Variants in NKAIN3 observed in about 807,000 individuals in gnomAD.
NKAIN3 encodes the protein sodium/potassium-transporting ATPase subunit beta-1-interacting protein 3.
A neutral mutation model predicts 30.2 loss-of-function variants in NKAIN3; 25 were observed. That is an observed-to-expected ratio of 0.83 (90% confidence interval 0.60 to 1.16). The LOEUF is 1.16. NKAIN3 is among the 50% of genes most tolerant of loss of function. The pLI, the probability that NKAIN3 is intolerant of heterozygous loss-of-function variation, is 0.00. For missense variants in NKAIN3, 225 were observed against 254.1 expected (o/e 0.89, Z 0.78); for synonymous variants, 91 against 89.6 (o/e 1.02, Z -0.09).
intron 2 of NKAIN3, among the ~76,000 whole-genome samples, chr8:62,583,291 C>A (rs995037933): frequency 2.6e-5 from 4 of 152,044 alleles, no homozygotes; most frequent in Non-Finnish European, 5.9e-5. Context: ...CCCTCCTATG[C>A]GTAGAGGAAG....
chr8:62,931,679 G>A (rs898530772), intron 5 of NKAIN3, among the ~76,000 whole-genome samples: 34 of 152,028 alleles, frequency 2.2e-4, no homozygotes, highest in Non-Finnish European at 7.4e-5. Context: ...ATAGTTGTTG[G>A]AACAAAAGAA....
At chr8:62,394,480 T>G (rs1307241567) in intron 1 of NKAIN3, among the ~76,000 whole-genome samples, 1 of 12,196 alleles carries the variant, frequency 8.2e-5, no homozygotes, top group African/African-American at 2.2e-4. Flanking sequence ...GTAATTGCTA[T>G]TTTTTTTTTT....
chr8:62,723,852 C>T (rs1176207447), intron 3 of NKAIN3, among the ~76,000 whole-genome samples: 1 of 152,062 alleles, frequency 6.6e-6, no homozygotes, highest in Non-Finnish European at 1.5e-5. Flanking sequence ...AATGAATGAC[C>T]AACTAAGAAA....
intron 1 of NKAIN3, among the ~76,000 whole-genome samples, 187 bp downstream of exon 1, chr8:62,249,314 G>A (rs1215036994): frequency 6.6e-6 from 1 of 152,214 alleles, no homozygotes; most frequent in African/African-American, 2.4e-5. Flanking sequence ...CACTCGCCAG[G>A]TCGCCCCTGC....
intron 4 of NKAIN3, among the ~76,000 whole-genome samples, chr8:62,788,197 CTGT>C (rs1163564426): frequency 6.6e-6 from 1 of 152,150 alleles, no homozygotes; most frequent in African/African-American, 2.4e-5. Flanking sequence ...TCTCCAGCAC[CTGT>C]TGTTTCCTGA....
chr8:62,747,196 C>G (rs1433476150), intron 4 of NKAIN3, 67 bp downstream of exon 4: 11 of 981,042 alleles, frequency 1.1e-5, no homozygotes, highest in Non-Finnish European at 1.5e-5. Context: ...TTCTCCACAT[C>G]TACCTGATAG....
chr8:62,987,313 A>T (rs758082703), downstream of NKAIN3, among the ~76,000 whole-genome samples: 4 of 152,076 alleles, frequency 2.6e-5, no homozygotes, highest in East Asian at 7.7e-4. Context: ...GAATCACTTG[A>T]TTCTTGGAGA....
intron 4 of NKAIN3, among the ~76,000 whole-genome samples, chr8:62,782,991 C>T (rs1308946101): frequency 2.6e-5 from 4 of 151,658 alleles, no homozygotes; most frequent in South Asian, 2.1e-4. Context: ...GTGATAGATA[C>T]CCCAAATGCT....
rs547058583 is a variant in NKAIN3 at position 62,819,384 on chromosome 8, A to G, written c.471+72255A>G. 5.3e-5 allele frequency among the ~76,000 whole-genome samples: 8 copies of G among 152,048 alleles called. No individual in the cohort carries two copies. In the South Asian group the frequency reaches 1.7e-3, roughly 32 times the overall value. On this transcript the variant is annotated intron_variant, in intron 4 of 6. Coordinates refer to ENST00000623646, the MANE Select transcript of NKAIN3 (RefSeq NM_001304533.3). ...GTGTATGGGTGAATGGAAATTCATTAACACTGTTCTCCCTGTGCTAATTCT... is the reference window on the plus strand; with the variant it reads ...GTGTATGGGTGAATGGAAATTCATTGACACTGTTCTCCCTGTGCTAATTCT...
intron 4 of NKAIN3, among the ~76,000 whole-genome samples, chr8:62,808,582 G>A (rs1380030023): frequency 2.0e-5 from 3 of 152,010 alleles, no homozygotes; most frequent in African/African-American, 7.2e-5. Context: ...TGAGTGTCTG[G>A]GGGAGACATC....
chr8:62,618,473 A>G lies in NKAIN3; in HGVS notation c.273+28679A>G, dbSNP rs1281012701. ...CTGTCTCATCCTGCTGTGTCTCAAAACTGCTGTAGTCCCTCATGATTGCTT... is the reference window on the plus strand; with the variant it reads ...CTGTCTCATCCTGCTGTGTCTCAAAGCTGCTGTAGTCCCTCATGATTGCTT... On this transcript the variant is annotated intron_variant, in intron 3 of 6. Coordinates refer to ENST00000623646, the MANE Select transcript of NKAIN3 (RefSeq NM_001304533.3). Among the ~76,000 whole-genome samples, 4 of 151,910 alleles carry G rather than the reference A, an allele frequency of 2.6e-5. No homozygotes were observed. In the East Asian group the frequency reaches 7.7e-4, roughly 29 times the overall value.
chr8:62,934,324 G>A (rs188094629), intron 5 of NKAIN3, among the ~76,000 whole-genome samples: 2 of 152,030 alleles, frequency 1.3e-5, no homozygotes, highest in Admixed American at 1.3e-4. Flanking sequence ...GCTGCAGTGA[G>A]CTGTGATGAT....
At chr8:62,273,487 T>A (rs181125230) in intron 1 of NKAIN3, among the ~76,000 whole-genome samples, 162 of 152,268 alleles carry the variant, frequency 1.1e-3, no homozygotes, top group Non-Finnish European at 2.1e-3. Flanking sequence ...TTGATAAACA[T>A]GTTTTGGTTA....
At chr8:62,270,380 C>T (rs1812743446) in intron 1 of NKAIN3, among the ~76,000 whole-genome samples, 1 of 151,976 alleles carries the variant, frequency 6.6e-6, no homozygotes, top group African/African-American at 2.4e-5. Context: ...CTGGGCCCAG[C>T]CCATATTATA....
chr8:62,305,280 T>C lies in NKAIN3; in HGVS notation c.54+56153T>C, dbSNP rs1300582357. 2.0e-5 allele frequency among the ~76,000 whole-genome samples: 3 copies of C among 150,436 alleles called. 1 individual carries two copies. Among genetic ancestry groups the C allele is most frequent in the African/African-American group, 7.5e-5 (3 of 39,852 alleles). ...CACAGATATTTCTATGAAATACGACTTTAAAGCTCCAATGGTTACAGATCA... is the reference window on the plus strand; with the variant it reads ...CACAGATATTTCTATGAAATACGACCTTAAAGCTCCAATGGTTACAGATCA... On this transcript the variant is annotated intron_variant, in intron 1 of 6. Transcript: ENST00000623646.
intron 1 of NKAIN3, among the ~76,000 whole-genome samples, chr8:62,275,524 T>C (rs377606554): frequency 6.6e-6 from 1 of 152,244 alleles, no homozygotes; most frequent in African/African-American, 2.4e-5. Flanking sequence ...ATAGACTTAC[T>C]TCAAATTCTT....
rs1275361453 is a variant in NKAIN3, at chr8:62,248,939, T to A, written c.-135T>A. The stretch of plus-strand genomic sequence containing the variant: ...AAAGGCGGGCGCGAGCCCCGAGCCC[T>A]GGAGCCGCGAGCGGCGGCCGCGGGG... On this transcript the variant is annotated 5_prime_UTR_variant, in exon 1 of 7. Transcript: ENST00000623646. The A allele has an allele frequency of 1.3e-6, 1 of 755,152 alleles. No individual in the cohort carries two copies. Among genetic ancestry groups the A allele is most frequent in the Non-Finnish European group, 2.0e-6 (1 of 495,712 alleles). The allele number at this position is 755,152 out of a possible 1,614,324, so 46.8% of individuals were successfully genotyped here. A position where few individuals can be genotyped will look rare whatever the true frequency, so the allele number is the denominator to read the frequency against.
chr8:62,610,195 A>G (rs1811246621), intron 3 of NKAIN3, among the ~76,000 whole-genome samples: 1 of 151,970 alleles, frequency 6.6e-6, no homozygotes, highest in Admixed American at 6.6e-5. Context: ...AAAATATAAG[A>G]TTATCCGGGC....
chr8:62,335,966 T>C (rs1246537031), intron 1 of NKAIN3, among the ~76,000 whole-genome samples: 1 of 152,052 alleles, frequency 6.6e-6, no homozygotes, highest in Non-Finnish European at 1.5e-5. Context: ...TCAGGCATCC[T>C]TAAAATTCAC....
Sources: allele counts gnomAD v4.1 joint callset (sites outside exome capture counted in the v4.1 genomes callset), GRCh38; gene constraint gnomAD v4.1.1; transcripts MANE v1.5; gene names NCBI Gene and HGNC (gene_info 2026-07-23, HGNC 2026-07-21).